KANK1: variants seen among roughly 807,000 people sequenced by gnomAD.
The protein encoded by KANK1 is KN motif and ankyrin repeat domains 1.
In KANK1, 109 loss-of-function variants were observed where a neutral mutation model predicts 106.2. The observed-to-expected ratio is 1.03, with a 90% CI of 0.88 to 1.20. KANK1 has a LOEUF of 1.20. Among genes scored for constraint, KANK1 ranks in the 50% most tolerant of loss-of-function variants. The pLI, the probability that KANK1 is intolerant of heterozygous loss-of-function variation, is 0.00. For missense variants in KANK1, 2,399 were observed against 1,710.7 expected (o/e 1.40, Z -7.10); for synonymous variants, 873 against 652.2 (o/e 1.34, Z -5.16).
At chr9:744,349 A>C (rs527341626) in intron 10 of KANK1, 142 bp from the exon 11 acceptor site, 20 of 926,640 alleles carry the variant, frequency 2.2e-5, no homozygotes, top group Non-Finnish European at 3.0e-5. Flanking sequence ...AGAGGTCCCA[A>C]AAAAGTTTCC....
rs370484667 is a variant in KANK1, at chr9:713,369, G to A, written c.2603G>A (p.Ser868Asn). ...GGCTCCCTCAACTCTCAGCTCATCA[G>A]CACCCTGTCGTCTATCAACTCTGTC... ...QMGSLNSQLI[S>N]TLSSINSVMK... The change falls in exon 3 of 12, where the codon AGC becomes AAC. Residue 868 changes from serine (S) to asparagine (N), a missense_variant. Physicochemically the swap from Ser to Asn is conservative, Grantham distance 46. Coordinates refer to ENST00000382297, the MANE Select transcript of KANK1 (RefSeq NM_015158.5). The A allele has an allele frequency of 5.0e-6, 8 of 1,614,036 alleles. No homozygotes were observed. The highest frequency in any genetic ancestry group is 1.7e-5 in the Admixed American group (1 of 59,998).
At chr9:529,446 G>C (rs2059961073) in intron 1 of KANK1, among the ~76,000 whole-genome samples, 1 of 150,998 alleles carries the variant, frequency 6.6e-6, no homozygotes, top group African/African-American at 2.4e-5. Context: ...TGATCCACTT[G>C]CCTTCGCCTT....
At chr9:683,521 G>C (rs2139155748) in intron 2 of KANK1, among the ~76,000 whole-genome samples, 1 of 152,288 alleles carries the variant, frequency 6.6e-6, no homozygotes, top group East Asian at 1.9e-4. Context: ...CCAGAAGTTG[G>C]ACATGGAGAA....
intron 1 of KANK1, among the ~76,000 whole-genome samples, chr9:554,596 C>T (rs950757194): frequency 6.6e-6 from 1 of 152,166 alleles, no homozygotes; most frequent in Non-Finnish European, 1.5e-5. Context: ...GAACTAACAT[C>T]ACAACCATCT....
intron 1 of KANK1, among the ~76,000 whole-genome samples, chr9:520,508 T>C (rs1297150935): frequency 1.3e-5 from 2 of 151,706 alleles, no homozygotes; most frequent in African/African-American, 2.4e-5. Context: ...CTGGAGATGC[T>C]ATAAGTCACG....
intron 1 of KANK1, among the ~76,000 whole-genome samples, chr9:582,509 C>G (rs987395503): frequency 2.0e-5 from 3 of 152,192 alleles, no homozygotes; most frequent in Non-Finnish European, 4.4e-5. Context: ...CTTTTGCCCT[C>G]AGAATCCTCA....
chr9:594,281 A>T (rs770676194), intron 1 of KANK1, among the ~76,000 whole-genome samples: 9 of 151,920 alleles, frequency 5.9e-5, no homozygotes, highest in Admixed American at 6.5e-5. Context: ...ATAGTAGTGT[A>T]GTTTTCAGGC....
intron 1 of KANK1, among the ~76,000 whole-genome samples, chr9:648,438 C>G (rs1036456941): frequency 6.6e-6 from 1 of 152,142 alleles, no homozygotes; most frequent in Non-Finnish European, 1.5e-5. Flanking sequence ...CATTAAATGG[C>G]ATCACAGACA....
chr9:550,561 C>T (rs963861320), intron 1 of KANK1, among the ~76,000 whole-genome samples: 16 of 152,242 alleles, frequency 1.1e-4, no homozygotes, highest in African/African-American at 3.1e-4. Flanking sequence ...AATGAGTTAT[C>T]GCGCCACTGC....
intron 1 of KANK1, among the ~76,000 whole-genome samples, chr9:668,898 A>T (rs991791995): frequency 6.6e-6 from 1 of 152,092 alleles, no homozygotes; most frequent in African/African-American, 2.4e-5. Flanking sequence ...CTTGCAGTTC[A>T]CAATAGGGTT....
At chr9:604,988 A>G (rs985360288) in intron 1 of KANK1, among the ~76,000 whole-genome samples, 1 of 151,782 alleles carries the variant, frequency 6.6e-6, no homozygotes, top group Non-Finnish European at 1.5e-5. Flanking sequence ...ACAGTTTGCA[A>G]ATACCATCTC....
At chr9:628,185 C>A (rs558458048) in intron 1 of KANK1, among the ~76,000 whole-genome samples, 2 of 152,244 alleles carry the variant, frequency 1.3e-5, no homozygotes, top group East Asian at 3.9e-4. Flanking sequence ...AACAAGTGGA[C>A]GGAGCTGTAG....
At chr9:646,852 C>A (rs996391305) in intron 1 of KANK1, among the ~76,000 whole-genome samples, 4 of 140,860 alleles carry the variant, frequency 2.8e-5, no homozygotes, top group East Asian at 2.1e-4. Flanking sequence ...TGCCACCACG[C>A]CTGGCTAATT....
rs529042704 is a variant in KANK1, at chr9:734,635, C to T, written c.3246-113C>T. 2.2e-5 allele frequency: 15 copies of T among 683,490 alleles called. No individual in the cohort carries two copies. The African/African-American group carries it at 2.5e-4, about 11-fold the overall frequency. The allele number at this position is 683,490 out of a possible 1,614,324, so 42.3% of individuals were successfully genotyped here. A position where few individuals can be genotyped will look rare whatever the true frequency, so the allele number is the denominator to read the frequency against. ...GAGCCAAGATCATGCCACTGCACTC[C>T]AGCCTGGGCGACAGAGCATGACCCT... On this transcript the variant is annotated intron_variant, in intron 6 of 11. Transcript: ENST00000382297.
intron 1 of KANK1, among the ~76,000 whole-genome samples, chr9:632,234 T>G (rs761862435): frequency 6.6e-6 from 1 of 152,194 alleles, no homozygotes; most frequent in African/African-American, 2.4e-5. Context: ...TTTTCCAGAT[T>G]TTCTTGGCCA....
At chr9:620,325 C>T (rs991626146) in intron 1 of KANK1, among the ~76,000 whole-genome samples, 1 of 152,104 alleles carries the variant, frequency 6.6e-6, no homozygotes, top group Admixed American at 6.6e-5. Context: ...CGATCTGCCC[C>T]CTAAATAAAA....
At chr9:543,922 C>G (rs976557201) in intron 1 of KANK1, among the ~76,000 whole-genome samples, 2 of 152,266 alleles carry the variant, frequency 1.3e-5, no homozygotes, top group Middle Eastern at 3.4e-3. Flanking sequence ...CTGATAATTT[C>G]TCAGTTTTTT....
intron 1 of KANK1, among the ~76,000 whole-genome samples, chr9:518,246 T>G (rs2059381056): frequency 6.6e-6 from 1 of 151,888 alleles, no homozygotes; most frequent in Non-Finnish European, 1.5e-5. Context: ...CACATCCAGT[T>G]TGACCAGATA....
chr9:677,448 G>A (rs1816629027), intron 2 of KANK1: 1 of 153,724 alleles, frequency 6.5e-6, no homozygotes, highest in African/African-American at 2.4e-5. Flanking sequence ...TATATATTCT[G>A]TAAAATGATT....
Sources: gnomAD v4.1 joint callset for allele counts (sites outside exome capture counted in the v4.1 genomes callset) on GRCh38, gnomAD v4.1.1 for gene constraint, MANE v1.5 for transcripts, NCBI Gene and HGNC (gene_info 2026-07-23, HGNC 2026-07-21) for gene names.